PLCE1: variants seen among roughly 807,000 people sequenced by gnomAD.
The protein encoded by PLCE1 is 1-phosphatidylinositol 4,5-bisphosphate phosphodiesterase epsilon-1.
A neutral mutation model predicts 242.8 loss-of-function variants in PLCE1; 119 were observed. The ratio of observed to expected loss-of-function variants is 0.49; its 90% CI spans 0.42 to 0.57. The LOEUF (loss-of-function observed/expected upper bound fraction) is 0.57. Ranked by LOEUF, PLCE1 falls within the 20% of genes least tolerant of loss-of-function variation. The probability of loss-of-function intolerance (pLI) is 0.00; values close to 1 mark genes in which losing one functional copy is unlikely to be tolerated. For synonymous variants in PLCE1, 945 were observed against 1,017.4 expected, an observed-to-expected ratio of 0.93 and a Z score of 1.35; for missense variants, 2,441 against 2,788.8, an observed-to-expected ratio of 0.88 and a Z score of 2.81.
At chr10:94,230,732 C>G (rs1007977841) in intron 5 of PLCE1, among the ~76,000 whole-genome samples, 3 of 152,136 alleles carry the variant, frequency 2.0e-5, no homozygotes, top group Non-Finnish European at 4.4e-5. Flanking sequence ...ACTTTGGCTT[C>G]CAAGTAGCTA....
chr10:93,996,714 C>T (rs541289786), intron 1 of PLCE1, among the ~76,000 whole-genome samples: 2 of 152,266 alleles, frequency 1.3e-5, no homozygotes, highest in Admixed American at 6.5e-5. Flanking sequence ...TTTTCGTGGG[C>T]CAGATTGGGA....
Position 94,254,913 on chromosome 10 carries a change from C to G in PLCE1, c.3418C>G (p.Pro1140Ala). 1 of 1,614,086 alleles carries G rather than the reference C, an allele frequency of 6.2e-7. No individual in the cohort carries two copies. The highest frequency in any genetic ancestry group is 8.5e-7 in the Non-Finnish European group (1 of 1,179,972). ...EESEVNAIANPPNPLPSRRAH... is the reference protein window; with the variant it reads ...EESEVNAIANAPNPLPSRRAH... ...CACAGAGGTGAATGCCATCGCTAAC[C>G]CTCCAAACCCCCTCCCTTCCAGAAG... Residue 1140 changes from proline (P) to alanine (A), a missense_variant, in exon 11 of 33, where the codon CCT becomes GCT. Transcript: ENST00000371380.
At chr10:94,124,618 T>C (rs888445802) in intron 2 of PLCE1, among the ~76,000 whole-genome samples, 11 of 152,192 alleles carry the variant, frequency 7.2e-5, no homozygotes, top group Non-Finnish European at 1.6e-4. Context: ...CTTTTTTCTT[T>C]TTAAAATCAT....
intron 2 of PLCE1, among the ~76,000 whole-genome samples, chr10:94,059,292 A>G (rs1490593260): frequency 6.6e-6 from 1 of 152,204 alleles, no homozygotes. Context: ...GAGAATTGCC[A>G]CAAAAACTGG....
chr10:94,189,909 G>T (rs896337596), intron 4 of PLCE1, among the ~76,000 whole-genome samples: 1 of 152,166 alleles, frequency 6.6e-6, no homozygotes, highest in Admixed American at 6.5e-5. Flanking sequence ...TTACTTATTA[G>T]CAGTGTATTT....
At chr10:94,247,009 G>T (rs2050707076) in intron 8 of PLCE1, among the ~76,000 whole-genome samples, 1 of 151,816 alleles carries the variant, frequency 6.6e-6, no homozygotes, top group South Asian at 2.1e-4. Context: ...CTACTCAGTA[G>T]GCTGAGGCAG....
chr10:94,245,111 T>C (rs1158480487), intron 7 of PLCE1, among the ~76,000 whole-genome samples: 1 of 152,248 alleles, frequency 6.6e-6, no homozygotes, highest in Non-Finnish European at 1.5e-5. Context: ...GACTTGTGTT[T>C]ATGATTTAAT....
intron 19 of PLCE1, among the ~76,000 whole-genome samples, chr10:94,278,833 A>G (rs2052069834): frequency 6.6e-6 from 1 of 152,016 alleles, no homozygotes; most frequent in African/African-American, 2.4e-5. Flanking sequence ...TATTATCTGT[A>G]TGCACACACA....
intron 3 of PLCE1, among the ~76,000 whole-genome samples, chr10:94,154,965 A>G (rs1048548862): frequency 2.6e-4 from 5 of 19,240 alleles, no homozygotes; most frequent in East Asian, 4.0e-3. Flanking sequence ...AATTGGGGGA[A>G]AAAAAAGTAA....
intron 2 of PLCE1, among the ~76,000 whole-genome samples, chr10:94,061,682 T>G (rs1300268243): frequency 1.3e-5 from 2 of 151,954 alleles, no homozygotes; most frequent in African/African-American, 4.8e-5. Context: ...AACCTTGTCT[T>G]TACTAAAAAA....
At chr10:94,326,449 C>T (rs1348978039) in intron 32 of PLCE1, among the ~76,000 whole-genome samples, 1 of 152,114 alleles carries the variant, frequency 6.6e-6, no homozygotes, top group Non-Finnish European at 1.5e-5. Context: ...TATTGTTTTC[C>T]ATATCCAGAA....
intron 2 of PLCE1, among the ~76,000 whole-genome samples, chr10:94,106,800 G>T (rs192727182): frequency 1.3e-5 from 2 of 151,702 alleles, no homozygotes; most frequent in African/African-American, 2.4e-5. Context: ...TTCTCTGCTT[G>T]TCATGCCTCT....
At position 94,110,058 on chromosome 10, in the gene PLCE1, C is replaced by CTTT. The variant is rs33974566; in HGVS notation, c.1207-22096_1207-22094dup. 1.3e-3 allele frequency among the ~76,000 whole-genome samples: 100 copies of CTTT among 75,882 alleles called. 17 individuals carry two copies. The highest frequency in any genetic ancestry group is 2.5e-3 in the African/African-American group (48 of 19,150). The allele number at this position is 75,882 out of a possible 152,430, so 49.8% of individuals were successfully genotyped here. On this transcript the variant is annotated intron_variant, in intron 2 of 32. Transcript: ENST00000371380. The stretch of plus-strand genomic sequence containing the variant: ...AGACCCTTTCCTTTTTTTCTTTTTT[C>CTTT]TTTTTTTTTTTTTTTTTTTTTTGAG...
intron 4 of PLCE1, among the ~76,000 whole-genome samples, chr10:94,208,426 G>A (rs1177843873): frequency 6.6e-6 from 1 of 152,222 alleles, no homozygotes; most frequent in Non-Finnish European, 1.5e-5. Flanking sequence ...GAACAGTAGA[G>A]GAACTATTCC....
chr10:94,247,329 T>C (rs1169674247), intron 8 of PLCE1, among the ~76,000 whole-genome samples: 1 of 151,856 alleles, frequency 6.6e-6, no homozygotes, highest in Non-Finnish European at 1.5e-5. Flanking sequence ...TTTTGTATTA[T>C]ATTTATATAT....
chr10:94,255,809 A>C (rs889138086), intron 11 of PLCE1, among the ~76,000 whole-genome samples: 2 of 151,794 alleles, frequency 1.3e-5, no homozygotes, highest in Admixed American at 1.3e-4. Context: ...CCTGTATCCC[A>C]CATTAAAGTT....
At chr10:94,139,563 T>C (rs79314622) in intron 3 of PLCE1, 2,440 of 152,556 alleles carry the variant, frequency 0.016, 26 homozygotes, top group Middle Eastern at 0.11. Context: ...ATTTTATATT[T>C]TCTATTTCTC....
intron 2 of PLCE1, among the ~76,000 whole-genome samples, chr10:94,115,884 T>G (rs2046110852): frequency 6.6e-6 from 1 of 152,212 alleles, no homozygotes; most frequent in South Asian, 2.1e-4. Flanking sequence ...GTTTCCTGCC[T>G]CGTGTTAACT....
At chr10:93,998,459 C>G (rs932699690) in intron 1 of PLCE1, among the ~76,000 whole-genome samples, 3 of 152,128 alleles carry the variant, frequency 2.0e-5, no homozygotes, top group Admixed American at 2.0e-4. Flanking sequence ...AGGTATAGAG[C>G]CTGGACACTC....
Sources: gnomAD v4.1 joint callset for allele counts (sites outside exome capture counted in the v4.1 genomes callset) on GRCh38, gnomAD v4.1.1 for gene constraint, MANE v1.5 for transcripts, NCBI Gene and HGNC (gene_info 2026-07-23, HGNC 2026-07-21) for gene names.